ENOSF1: variants seen among roughly 807,000 people sequenced by gnomAD.
ENOSF1 encodes mitochondrial enolase superfamily member 1.
Under a neutral mutation model 68.2 loss-of-function variants are expected in ENOSF1, and 73 were observed. That is an observed-to-expected ratio of 1.07 (90% confidence interval 0.89 to 1.30). ENOSF1 has a LOEUF of 1.30. ENOSF1 is among the 50% of genes most tolerant of loss of function. ENOSF1 has a pLI of 0.00. For missense variants in ENOSF1, 589 were observed against 554.5 expected (o/e 1.06, Z -0.62); for synonymous variants, 223 against 210.4 (o/e 1.06, Z -0.52).
At chr18:702,275 A>AC (rs1265752023) in intron 2 of ENOSF1, among the ~76,000 whole-genome samples, 4 of 149,172 alleles carry the variant, frequency 2.7e-5, no homozygotes, top group Admixed American at 6.7e-5. Flanking sequence ...AAAAAAAAAA[A>AC]AAAAAAAAAA....
At chr18:709,122 T>C (rs1430634049) in intron 1 of ENOSF1, among the ~76,000 whole-genome samples, 1 of 152,040 alleles carries the variant, frequency 6.6e-6, no homozygotes, top group Non-Finnish European at 1.5e-5. Context: ...GCGTTTAGCA[T>C]GAAGGTGAAA....
rs145620070 is a variant in ENOSF1, at chr18:675,643, T to A, written c.1149-241A>T. The A allele has an allele frequency of 9.3e-3, 4,630 of 498,762 alleles. 17 individuals are homozygous for A. Among genetic ancestry groups the A allele is most frequent in the Middle Eastern group, 0.019 (36 of 1,874 alleles). The allele number at this position is 498,762 out of a possible 1,614,324, so 30.9% of individuals were successfully genotyped here. A position where few individuals can be genotyped will look rare whatever the true frequency, so the allele number is the denominator to read the frequency against. On this transcript the variant is annotated intron_variant, in intron 14 of 15. Transcript: ENST00000647584. ...TGAACACACGAAGTCCCTCTAGAGG[T>A]TTTGTGGTGCCCTTTAAAAGGGATC... is the stretch of plus-strand genomic sequence containing the variant.
intron 11 of ENOSF1, among the ~76,000 whole-genome samples, chr18:680,595 CCA>C (rs1333294145): frequency 2.6e-5 from 4 of 152,074 alleles, no homozygotes; most frequent in Non-Finnish European, 5.9e-5. Context: ...TCCTCACCTC[CCA>C]CACACCCTCT....
At chr18:699,865 AG>A (rs2145276418) in intron 2 of ENOSF1, among the ~76,000 whole-genome samples, 1 of 152,322 alleles carries the variant, frequency 6.6e-6, no homozygotes, top group South Asian at 2.1e-4. Flanking sequence ...GGATTGCCTG[AG>A]GTCAAGAGTT....
At chr18:684,794 G>A (rs1345326680) in intron 10 of ENOSF1, among the ~76,000 whole-genome samples, 1 of 152,030 alleles carries the variant, frequency 6.6e-6, no homozygotes, top group Non-Finnish European at 1.5e-5. Context: ...CATCTCTACA[G>A]AATGTGCTAA....
At chr18:688,980 G>T (rs1184531017) in intron 8 of ENOSF1, among the ~76,000 whole-genome samples, 1 of 152,172 alleles carries the variant, frequency 6.6e-6, no homozygotes, top group Non-Finnish European at 1.5e-5. Context: ...TGGGCACAGT[G>T]TAAGGAGAAA....
At chr18:687,443 A>C (rs1312521931) in intron 9 of ENOSF1, 1 of 152,178 alleles carries the variant, frequency 6.6e-6, no homozygotes, top group East Asian at 1.9e-4. Context: ...TGCATTTCTC[A>C]CAAGCTCCCA....
chr18:697,201 T>C, intron 3 of ENOSF1, 39 bp downstream of exon 3: 1 of 1,355,438 alleles, frequency 7.4e-7, no homozygotes, highest in Non-Finnish European at 1.1e-6. Context: ...ACCTTGGTAA[T>C]ATTACTTATG....
intron 2 of ENOSF1, among the ~76,000 whole-genome samples, chr18:706,125 C>T (rs77463191): frequency 6.6e-6 from 1 of 152,122 alleles, no homozygotes; most frequent in East Asian, 1.9e-4. Context: ...GGTTACTCGC[C>T]CACTACAGGT....
At chr18:685,295 G>A (rs1212235292) in intron 10 of ENOSF1, among the ~76,000 whole-genome samples, 2 of 151,712 alleles carry the variant, frequency 1.3e-5, no homozygotes, top group Non-Finnish European at 1.5e-5. Context: ...ATGAGCCACA[G>A]CATCTGGCCA....
chr18:677,262 G>T lies in ENOSF1; in HGVS notation c.1148+83C>A, dbSNP rs141152655. ...AGCGGACAAGGTCTTAGTGTGTTCT[G>T]GTCATGAAGGCAGAATTTACAAGCT... On this transcript the variant is annotated intron_variant, in intron 14 of 15. Coordinates refer to ENST00000647584, the MANE Select transcript of ENOSF1 (RefSeq NM_017512.7). 37 of 1,147,574 alleles carry T rather than the reference G, an allele frequency of 3.2e-5. No individual in the cohort carries two copies. The African/African-American group carries it at 5.1e-4, about 16-fold the overall frequency. The allele number at this position is 1,147,574 out of a possible 1,614,324, so 71.1% of individuals were successfully genotyped here. A position where few individuals can be genotyped will look rare whatever the true frequency, so the allele number is the denominator to read the frequency against.
Position 697,396 on chromosome 18 carries a change from T to C in ENOSF1, c.194-41A>G, listed in dbSNP as rs551758173. The C allele has an allele frequency of 3.3e-4, 471 of 1,406,194 alleles. 4 individuals carry two copies. The South Asian group carries it at 5.1e-3, about 15-fold the overall frequency. 87.1% of individuals were successfully genotyped at this position (1,406,194 alleles called of 1,614,324 possible). Reference sequence around the variant, plus strand: ...TGAACTCTTGTTTATGCTTCTATACTAGGTCAAGAAATTAGCACCTGAAAA... The same window carrying C: ...TGAACTCTTGTTTATGCTTCTATACCAGGTCAAGAAATTAGCACCTGAAAA... On this transcript the variant is annotated intron_variant, in intron 2 of 15. Coordinates refer to ENST00000647584, the MANE Select transcript of ENOSF1 (RefSeq NM_017512.7).
At chr18:708,894 C>T (rs2079215180) in intron 1 of ENOSF1, among the ~76,000 whole-genome samples, 1 of 152,030 alleles carries the variant, frequency 6.6e-6, no homozygotes, top group African/African-American at 2.4e-5. Flanking sequence ...AAGGAGACTC[C>T]AAGAATTAAA....
chr18:688,526 G>A (rs374747914), intron 9 of ENOSF1, 48 bp downstream of exon 9: 2 of 1,613,522 alleles, frequency 1.2e-6, no homozygotes, highest in African/African-American at 2.7e-5. Context: ...TACTGCCTGA[G>A]TCTCTCCTGC....
downstream of ENOSF1, among the ~76,000 whole-genome samples, chr18:667,184 GTGATGGA>G (rs2074856409): frequency 1.0e-5 from 1 of 98,222 alleles, no homozygotes; most frequent in Non-Finnish European, 1.9e-5. Flanking sequence ...GATGGTGATG[GTGATGGA>G]GATGGTGATG....
chr18:666,951 T>C (rs80163547), downstream of ENOSF1, among the ~76,000 whole-genome samples: 767 of 21,262 alleles, frequency 0.036, 114 homozygotes, highest in African/African-American at 0.15. Flanking sequence ...ATGGTGATGG[T>C]GATGGAGATG....
chr18:706,285 A>C (rs1226671305), intron 2 of ENOSF1, among the ~76,000 whole-genome samples, 185 bp downstream of exon 2: 1 of 149,848 alleles, frequency 6.7e-6, no homozygotes, highest in Non-Finnish European at 1.5e-5. Flanking sequence ...TGTCACTTTT[A>C]AATTTCTCCC....
Position 690,556 on chromosome 18 carries a change from A to C in ENOSF1, c.611T>G (p.Leu204Trp), listed in dbSNP as rs565636412. 4.3e-6 allele frequency: 7 copies of C among 1,614,154 alleles called. No individual in the cohort carries two copies. The highest frequency in any genetic ancestry group is 1.7e-5 in the Admixed American group (1 of 60,024). ...CAWLGYSDDT[L>W]KQLCAQALKD... ...CCAGGTTAAAATGCCCACCTGCTTC[A>C]ACGTGTCATCTGAGTACCCCAGCCA... The change falls in exon 8 of 16, where the codon TTG becomes TGG. Residue 204 changes from leucine to tryptophan, a missense_variant. Transcript: ENST00000647584.
rs773665581 is a variant in ENOSF1 at position 683,418 on chromosome 18, A to C, written c.742-38T>G. On this transcript the variant is annotated intron_variant, in intron 10 of 15. Coordinates refer to ENST00000647584, the MANE Select transcript of ENOSF1 (RefSeq NM_017512.7). ...ACTCTTCACAGGGAGGTCAGCCCTG[A>C]GCCAACCTCACAGCAGGGCTGCGGC... 9.3e-6 allele frequency: 15 copies of C among 1,610,050 alleles called. No individual in the cohort carries two copies. The East Asian group carries it at 2.5e-4, about 26-fold the overall frequency.
Sources: gnomAD v4.1 joint callset for allele counts (sites outside exome capture counted in the v4.1 genomes callset) on GRCh38, gnomAD v4.1.1 for gene constraint, MANE v1.5 for transcripts, NCBI Gene and HGNC (gene_info 2026-07-23, HGNC 2026-07-21) for gene names.